Variants in SDK2 observed in about 807,000 individuals in gnomAD.
SDK2 encodes protein sidekick-2.
Under a neutral mutation model 253.9 loss-of-function variants are expected in SDK2, and 105 were observed. The observed-to-expected ratio is 0.41, with a 90% CI of 0.35 to 0.49. SDK2 has a LOEUF of 0.49. Among genes scored for constraint, SDK2 ranks in the 20% least tolerant of loss-of-function variants. The pLI is 0.06. For synonymous variants in SDK2, 1,249 were observed against 1,234.9 expected (o/e 1.01, Z -0.24); for missense variants, 2,608 against 3,003.0 (o/e 0.87, Z 3.07).
chr17:73,352,385 G>T lies in SDK2; in HGVS notation c.5758+88C>A. 2 of 1,468,278 alleles carry T rather than the reference G, an allele frequency of 1.4e-6. No homozygotes were observed. The highest frequency in any genetic ancestry group is 2.4e-5 in the East Asian group (1 of 41,012). The allele number at this position is 1,468,278 out of a possible 1,614,324, so 91.0% of individuals were successfully genotyped here. On this transcript the variant is annotated intron_variant, in intron 41 of 44. Coordinates refer to ENST00000392650, the MANE Select transcript of SDK2 (RefSeq NM_001144952.2). This position sits in a 1 kb window ranked among gnomAD's most constrained non-coding sequence, Gnocchi z 4.1. Reference sequence around the variant, plus strand: ...TCCCGCCCCATGCTCCTGGTGCCCTGGTGCCTCTCCTCCTTCCGCCCTGCC... The same window carrying T: ...TCCCGCCCCATGCTCCTGGTGCCCTTGTGCCTCTCCTCCTTCCGCCCTGCC...
At chr17:73,543,763 C>T (rs2044910065) in intron 1 of SDK2, among the ~76,000 whole-genome samples, 1 of 152,206 alleles carries the variant, frequency 6.6e-6, no homozygotes, top group Non-Finnish European at 1.5e-5. Context: ...GGCACAAGGG[C>T]CAGGCCCGCC....
At chr17:73,410,150 A>G (rs1421760706) in intron 18 of SDK2, among the ~76,000 whole-genome samples, 1 of 152,030 alleles carries the variant, frequency 6.6e-6, no homozygotes, top group Non-Finnish European at 1.5e-5. Context: ...CACGGTGCCC[A>G]GCCTGACATT....
chr17:73,498,162 T>C (rs1353851071), intron 2 of SDK2, among the ~76,000 whole-genome samples: 2 of 152,230 alleles, frequency 1.3e-5, no homozygotes, highest in Non-Finnish European at 2.9e-5. Context: ...GCAGCCGGTA[T>C]CTGGTCACAA....
Position 73,350,630 on chromosome 17 carries a change from G to T in SDK2, c.5899+20C>A, listed in dbSNP as rs1273378580. ...ATAAAACTCAAGTCCAGCCAGCATG[G>T]CTGGTGCCAGCTCACTCACCCGAGT... is the stretch of plus-strand genomic sequence containing the variant. On this transcript the variant is annotated intron_variant, in intron 42 of 44. Transcript: ENST00000392650. 6.2e-7 allele frequency: 1 copy of T among 1,604,682 alleles called. No individual in the cohort carries two copies. Among genetic ancestry groups the T allele is most frequent in the South Asian group, 1.1e-5 (1 of 89,888 alleles).
At position 73,350,296 on chromosome 17, in the gene SDK2, G is replaced by A. The variant is rs752640012; in HGVS notation, c.5979C>T (p.Leu1993=). 1.2e-5 allele frequency: 20 copies of A among 1,601,088 alleles called. No individual in the cohort carries two copies. In the Admixed American group the frequency reaches 3.4e-4, roughly 27 times the overall value. The stretch of plus-strand genomic sequence containing the variant: ...TCTTGACGGAGAGCCGCCTGTTGTT[G>A]AGTTCCAGGGCAGGGAAGCTGCTTT... ...LDESSFPALE[L]NNRRLSVKNS... is the part of the protein sequence containing the mutation. Residue 1993 remains leucine, a synonymous_variant, in exon 43 of 45, where the codon CTC becomes CTT. Coordinates refer to ENST00000392650, the MANE Select transcript of SDK2 (RefSeq NM_001144952.2).
At chr17:73,456,283 C>T (rs918826283) in intron 3 of SDK2, among the ~76,000 whole-genome samples, 3 of 152,312 alleles carry the variant, frequency 2.0e-5, no homozygotes, top group Admixed American at 6.5e-5. Flanking sequence ...TCGGCCAGTT[C>T]GTTCAACCAC....
At chr17:73,439,809 G>A (rs2063399735) in intron 6 of SDK2, among the ~76,000 whole-genome samples, 1 of 152,216 alleles carries the variant, frequency 6.6e-6, no homozygotes, top group Non-Finnish European at 1.5e-5. Flanking sequence ...CAGGCCTGGG[G>A]GAGAGGGGGC....
rs947368264 is a variant in SDK2, at chr17:73,511,127, G to T, written c.65-3530C>A. ...ATGGGCACATTCTTACTTCAAAGGC[G>T]CATTCATATTCTCCAGCAGCTTTCA... On this transcript the variant is annotated intron_variant, in intron 1 of 44. Transcript: ENST00000392650. This position sits in a 1 kb window ranked among gnomAD's most constrained non-coding sequence, Gnocchi z 4.9. 6.6e-6 allele frequency among the ~76,000 whole-genome samples: 1 copy of T among 152,188 alleles called. No individual in the cohort carries two copies. The highest frequency in any genetic ancestry group is 6.5e-5 in the Admixed American group (1 of 15,288).
chr17:73,366,420 G>A (rs1364317524), intron 37 of SDK2, among the ~76,000 whole-genome samples: 1 of 152,152 alleles, frequency 6.6e-6, no homozygotes, highest in East Asian at 1.9e-4. Flanking sequence ...GGGTAGTGGA[G>A]GGAAAGGGTT....
chr17:73,350,675 C>A lies in SDK2; in HGVS notation c.5874G>T (p.Lys1958Asn). The A allele has an allele frequency of 6.2e-7, 1 of 1,613,092 alleles. No individual in the cohort carries two copies. Among genetic ancestry groups the A allele is most frequent in the Non-Finnish European group, 8.5e-7 (1 of 1,179,548 alleles). ...CCGAGTCTGTCTTCTTGGCGTACTT[C>A]TTGCTCTGGCCCCGGATGATGAGCA... ...VFVLIIRGQS[K>N]KYAKKTDSGN... The change falls in exon 42 of 45, where the codon AAG becomes AAT. Residue 1958 changes from lysine (K) to asparagine (N), a missense_variant. Physicochemically the swap from Lys to Asn is moderately conservative, Grantham distance 94. Transcript: ENST00000392650.
At chr17:73,590,471 G>T (rs938704693) in intron 1 of SDK2, among the ~76,000 whole-genome samples, 6 of 152,228 alleles carry the variant, frequency 3.9e-5, no homozygotes, top group Non-Finnish European at 7.3e-5. Context: ...CCATTGCTCT[G>T]CCCCGTCTGG....
intron 1 of SDK2, 79 bp from the exon 2 acceptor site, chr17:73,507,676 C>T: frequency 1.4e-6 from 2 of 1,439,962 alleles, no homozygotes; most frequent in African/African-American, 1.4e-5. Context: ...TCCTAAGGCC[C>T]TTAGGCAGAT....
rs1163442687 is a variant in SDK2, at chr17:73,431,510, A to G, written c.1472T>C (p.Val491Ala). Residue 491 changes from valine (V) to alanine (A), a missense_variant, in exon 11 of 45, where the codon GTC becomes GCC. Physicochemically the swap from Val to Ala is moderately conservative, Grantham distance 64 (BLOSUM62 0). Coordinates refer to ENST00000392650, the MANE Select transcript of SDK2 (RefSeq NM_001144952.2). The surrounding 1 kb of genome is among the most constrained non-coding windows in gnomAD (Gnocchi z 5.6). ...TGGCTCTGCACACTCACCCCAAACG[A>G]CTAGGTCTGCTGAGGCCTCATCGAC... ...RGVDEASADL[V>A]VWARTRITKP... The G allele has an allele frequency of 6.2e-7, 1 of 1,610,858 alleles. No homozygotes were observed. The highest frequency in any genetic ancestry group is 1.3e-5 in the African/African-American group (1 of 74,638).
rs3079765 is a variant in SDK2, at chr17:73,337,053, ATGTGTGTGTGTGTGTG to A, written c.*1518_*1533del. 12 of 148,708 alleles carry A rather than the reference ATGTGTGTGTGTGTGTG, an allele frequency of 8.1e-5. No individual in the cohort carries two copies. Among genetic ancestry groups the A allele is most frequent in the African/African-American group, 3.0e-4 (12 of 40,518 alleles). 9.2% of individuals were successfully genotyped at this position (148,708 alleles called of 1,614,324 possible). A position where few individuals can be genotyped will look rare whatever the true frequency, so the allele number is the denominator to read the frequency against. On this transcript the variant is annotated 3_prime_UTR_variant, in exon 45 of 45. Transcript: ENST00000392650. Reference sequence around the variant, plus strand: ...TCCTTGGAGCAGATTGTGTATGTGTATGTGTGTGTGTGTGTGTGTGTGTGTGTGTAAAAGCATTCCC... The same window carrying A: ...TCCTTGGAGCAGATTGTGTATGTGTATGTGTGTGTGTGTAAAAGCATTCCC...
At chr17:73,500,045 G>T (rs1342467237) in intron 2 of SDK2, among the ~76,000 whole-genome samples, 1 of 152,096 alleles carries the variant, frequency 6.6e-6, no homozygotes, top group African/African-American at 2.4e-5. Flanking sequence ...CAGACCCAAG[G>T]ATGAGTGGCA....
At chr17:73,485,828 G>A (rs974394741) in intron 2 of SDK2, among the ~76,000 whole-genome samples, 7 of 152,220 alleles carry the variant, frequency 4.6e-5, no homozygotes, top group Non-Finnish European at 8.8e-5. Context: ...CATAAACTGT[G>A]TGGCCTGTGA....
intron 2 of SDK2, among the ~76,000 whole-genome samples, chr17:73,492,987 C>A (rs1357879838): frequency 6.6e-6 from 1 of 152,196 alleles, no homozygotes; most frequent in Non-Finnish European, 1.5e-5. Flanking sequence ...GCAGGAGGAC[C>A]TGGGAGGGGG....
chr17:73,432,792 A>ACG (rs2063337201), intron 10 of SDK2, among the ~76,000 whole-genome samples: 1 of 151,860 alleles, frequency 6.6e-6, no homozygotes. Flanking sequence ...GTGTATGTAC[A>ACG]TGTGTGTGCA....
chr17:73,508,983 G>A (rs1018130857), intron 1 of SDK2, among the ~76,000 whole-genome samples: 3 of 152,218 alleles, frequency 2.0e-5, no homozygotes, highest in Non-Finnish European at 2.9e-5. Context: ...CGGCGGGGAG[G>A]AGTCCAGGCT....
Sources: allele counts gnomAD v4.1 joint callset (sites outside exome capture counted in the v4.1 genomes callset), GRCh38; gene constraint gnomAD v4.1.1; non-coding constraint Gnocchi (gnomAD v3.1); transcripts MANE v1.5; gene names NCBI Gene and HGNC (gene_info 2026-07-23, HGNC 2026-07-21).